The following VAV1 variants were observed in gnomAD, a reference collection of about 807,000 sequenced individuals.
The protein encoded by VAV1 is proto-oncogene vav.
Under a neutral mutation model 128.1 loss-of-function variants are expected in VAV1, and 33 were observed. The observed-to-expected ratio is 0.26, with a 90% CI of 0.20 to 0.34. VAV1 has a LOEUF of 0.34. Ranked by LOEUF, VAV1 falls within the 10% of genes least tolerant of loss-of-function variation. The pLI is 1.00. For synonymous variants in VAV1, 394 were observed against 409.8 expected (o/e 0.96, Z 0.47); for missense variants, 715 against 1,093.7 (o/e 0.65, Z 4.88).
intron 23 of VAV1, among the ~76,000 whole-genome samples, chr19:6,848,781 T>A (rs10423256): frequency 0.11 from 17,025 of 151,436 alleles, 1,201 homozygotes; most frequent in South Asian, 0.19. Context: ...CTAATTTTTT[T>A]AATTTAATTT....
Position 6,776,155 on chromosome 19 carries a change from TCCAC to T in VAV1, c.204+3148_204+3151del, listed in dbSNP as rs1309129897. Among the ~76,000 whole-genome samples the T allele has an allele frequency of 4.4e-4, 24 of 54,626 alleles. No homozygotes were observed. In the Admixed American group the frequency reaches 4.7e-3, roughly 11 times the overall value. 35.8% of individuals were successfully genotyped at this position (54,626 alleles called of 152,430 possible). ...ATCCATTCATCCATCTGCTCATCTA[TCCAC>T]CCATCCATCCATCCATCCATCCATC... is the stretch of plus-strand genomic sequence containing the variant. On this transcript the variant is annotated intron_variant, in intron 1 of 26. Coordinates refer to ENST00000602142, the MANE Select transcript of VAV1 (RefSeq NM_005428.4).
intron 3 of VAV1, 50 bp from the exon 4 acceptor site, chr19:6,821,739 CCA>C: frequency 6.2e-7 from 1 of 1,613,814 alleles, no homozygotes; most frequent in Non-Finnish European, 8.5e-7. Flanking sequence ...CCCTGAAGCC[CCA>C]CTTCTACCCA....
At chr19:6,801,811 C>T (rs547872444) in intron 1 of VAV1, among the ~76,000 whole-genome samples, 6 of 152,146 alleles carry the variant, frequency 3.9e-5, no homozygotes, top group African/African-American at 7.2e-5. Flanking sequence ...GCGTGGAAAG[C>T]CAGCCGACCT....
intron 1 of VAV1, among the ~76,000 whole-genome samples, chr19:6,801,569 G>A (rs946531880): frequency 6.6e-6 from 1 of 152,192 alleles, no homozygotes; most frequent in Admixed American, 6.5e-5. Flanking sequence ...ACCCTCGGGA[G>A]CTTGAGGTTG....
chr19:6,811,680 G>C (rs768735270), intron 1 of VAV1, among the ~76,000 whole-genome samples: 1 of 152,134 alleles, frequency 6.6e-6, no homozygotes, highest in African/African-American at 2.4e-5. Context: ...TATAATTACT[G>C]TAAGAATCGG....
rs903979237 is a variant in VAV1, at chr19:6,786,539, T to C, written c.204+13528T>C. Among the ~76,000 whole-genome samples the C allele has an allele frequency of 3.9e-5, 6 of 152,124 alleles. No homozygotes were observed. In the East Asian group the frequency reaches 9.7e-4, roughly 25 times the overall value. ...GGCTCACGCCTGTAATCTTAAGACA[T>C]TGGGAGGCTGAGGCAGGAGGATCAC... On this transcript the variant is annotated intron_variant, in intron 1 of 26. Transcript: ENST00000602142.
chr19:6,802,571 G>C (rs1364991877), intron 1 of VAV1, among the ~76,000 whole-genome samples: 2 of 152,056 alleles, frequency 1.3e-5, no homozygotes, highest in Admixed American at 1.3e-4. Context: ...GGGTTCAGCT[G>C]ATCTCCCTGA....
chr19:6,806,309 A>G (rs1599640320), intron 1 of VAV1, among the ~76,000 whole-genome samples: 3 of 151,844 alleles, frequency 2.0e-5, no homozygotes, highest in South Asian at 2.1e-4. Context: ...CTGGTCTCGA[A>G]CTCCTGACCT....
At chr19:6,823,746 T>C (rs1040194041) in intron 6 of VAV1, among the ~76,000 whole-genome samples, 4 of 152,094 alleles carry the variant, frequency 2.6e-5, no homozygotes, top group Non-Finnish European at 5.9e-5. Context: ...GCTCAGTCTT[T>C]TTCTGTATCC....
intron 1 of VAV1, among the ~76,000 whole-genome samples, chr19:6,814,671 C>CCTTCCTTCCTTT: frequency 3.1e-4 from 8 of 25,792 alleles, no homozygotes; most frequent in Admixed American, 6.1e-4. Context: ...TTCCTTCCTT[C>CCTTCCTTCCTTT]CTTTCTTTCT....
At chr19:6,810,705 CA>C (rs111621825) in intron 1 of VAV1, among the ~76,000 whole-genome samples, 6,213 of 143,776 alleles carry the variant, frequency 0.043, 423 homozygotes, top group African/African-American at 0.15. Context: ...AACGTTATCT[CA>C]AAAAAAAAAA....
chr19:6,788,937 G>C (rs1038300229), intron 1 of VAV1, among the ~76,000 whole-genome samples: 1 of 152,216 alleles, frequency 6.6e-6, no homozygotes, highest in African/African-American at 2.4e-5. Flanking sequence ...CTGATTCTCA[G>C]TCCTGTTGAC....
chr19:6,853,932 G>T lies in VAV1; in HGVS notation c.2333-15G>T, dbSNP rs765360774. 6.2e-7 allele frequency: 1 copy of T among 1,606,814 alleles called. No individual in the cohort carries two copies. Among genetic ancestry groups the T allele is most frequent in the Non-Finnish European group, 8.5e-7 (1 of 1,179,632 alleles). ...TGCCCCAGACCCTTTTCTCACTTCT[G>T]TTCTCTCTCCACAGTGGGAAGCACA... On this transcript the variant is annotated splice_polypyrimidine_tract_variant and intron_variant, in intron 25 of 26. Transcript: ENST00000602142.
intron 1 of VAV1, among the ~76,000 whole-genome samples, chr19:6,787,169 T>C (rs1970912381): frequency 6.6e-6 from 1 of 151,834 alleles, no homozygotes. Context: ...TCTCTATTTT[T>C]TGTTTGTTTG....
At chr19:6,852,680 C>T (rs1364403301) in intron 24 of VAV1, among the ~76,000 whole-genome samples, 1 of 151,012 alleles carries the variant, frequency 6.6e-6, no homozygotes, top group East Asian at 1.9e-4. Flanking sequence ...GAGATTGCGC[C>T]ACTGCACTCC....
rs535469417 is a variant in VAV1 at position 6,817,929 on chromosome 19, G to A, written c.205-2773G>A. ...TCTCGATCTCCTGACCTCGTGATCC[G>A]CCCGCCTCGGCCTCCCAAAGTGCTG... is the stretch of plus-strand genomic sequence containing the variant. On this transcript the variant is annotated intron_variant, in intron 1 of 26. Coordinates refer to ENST00000602142, the MANE Select transcript of VAV1 (RefSeq NM_005428.4). Among the ~76,000 whole-genome samples, 270 of 152,146 alleles carry A rather than the reference G, an allele frequency of 1.8e-3. 1 individual carries two copies. Among genetic ancestry groups the A allele is most frequent in the Non-Finnish European group, 3.3e-3 (222 of 67,982 alleles).
chr19:6,833,253 C>T lies in VAV1; in HGVS notation c.1578C>T (p.Thr526=). Residue 526 remains threonine (T), a synonymous_variant, in exon 16 of 27, where the codon ACC becomes ACT. Transcript: ENST00000602142. ...TCCAGATGTTCTCCTTTGAGGAGAC[C>T]ACATCCTGCAAGGCCTGTCAGATGC... The part of the protein sequence containing the change: ...HDFQMFSFEE[T]TSCKACQMLL... 1 of 1,613,416 alleles carries T rather than the reference C, an allele frequency of 6.2e-7. No homozygotes were observed. The highest frequency in any genetic ancestry group is 1.3e-5 in the African/African-American group (1 of 74,894).
intron 1 of VAV1, among the ~76,000 whole-genome samples, chr19:6,786,676 A>C (rs959917012): frequency 2.6e-5 from 4 of 151,976 alleles, no homozygotes; most frequent in African/African-American, 9.7e-5. Context: ...CCAGCTACTC[A>C]AGAGGCTGAG....
At chr19:6,825,179 C>T in intron 7 of VAV1, 58 bp downstream of exon 7, 1 of 1,586,358 alleles carries the variant, frequency 6.3e-7, no homozygotes, top group East Asian at 2.2e-5. Flanking sequence ...ACCTGCTGCC[C>T]CTACCTCTCC....
Sources: allele counts gnomAD v4.1 joint callset (sites outside exome capture counted in the v4.1 genomes callset), GRCh38; gene constraint gnomAD v4.1.1; transcripts MANE v1.5; gene names NCBI Gene and HGNC (gene_info 2026-07-23, HGNC 2026-07-21).